SPINK5: variants seen among roughly 807,000 people sequenced by gnomAD.
SPINK5 encodes the protein serine protease inhibitor Kazal-type 5.
A neutral mutation model predicts 151.8 loss-of-function variants in SPINK5; 125 were observed. The observed-to-expected ratio is 0.82, with a 90% CI of 0.71 to 0.96. The LOEUF (loss-of-function observed/expected upper bound fraction) is 0.96, where lower values mean the gene tolerates loss of function less well. SPINK5 is among the 40% of genes least tolerant of loss of function. The probability of loss-of-function intolerance (pLI) is 0.00; values close to 1 mark genes in which losing one functional copy is unlikely to be tolerated. For synonymous variants in SPINK5, 374 were observed against 395.3 expected (o/e 0.95, Z 0.64); for missense variants, 1,194 against 1,291.9 (o/e 0.92, Z 1.16).
rs535024341 is a variant in SPINK5 at position 148,130,878 on chromosome 5, G to C, written c.2965-381G>C. Among the ~76,000 whole-genome samples the C allele has an allele frequency of 2.6e-5, 4 of 152,208 alleles. No individual in the cohort carries two copies. In the East Asian group the frequency reaches 7.7e-4, roughly 29 times the overall value. ...ATGCAATTTATGAGTATTTACCTCTGAGTCTTTCCTTTCTAGGCTGTATAT... is the reference window on the plus strand; with the variant it reads ...ATGCAATTTATGAGTATTTACCTCTCAGTCTTTCCTTTCTAGGCTGTATAT... On this transcript the variant is annotated intron_variant, in intron 30 of 32. Coordinates refer to ENST00000256084, the MANE Select transcript of SPINK5 (RefSeq NM_006846.4).
intron 11 of SPINK5, 95 bp downstream of exon 11, chr5:148,098,089 A>C: frequency 2.5e-6 from 3 of 1,180,322 alleles, no homozygotes; most frequent in Non-Finnish European, 3.7e-6. Flanking sequence ...ACTGTGGCTC[A>C]AGACAGGGAA....
chr5:148,090,377 T>C (rs1753277335), intron 7 of SPINK5, among the ~76,000 whole-genome samples: 1 of 151,758 alleles, frequency 6.6e-6, no homozygotes, highest in Admixed American at 6.6e-5. Context: ...TCCAATCAGG[T>C]TTACAAAACA....
chr5:148,132,591 C>T (rs1754600861), intron 31 of SPINK5, among the ~76,000 whole-genome samples: 1 of 151,940 alleles, frequency 6.6e-6, no homozygotes. Context: ...TCAGAGAGTC[C>T]AGGTAATTTG....
intron 26 of SPINK5, among the ~76,000 whole-genome samples, chr5:148,121,591 T>C (rs1754265746): frequency 6.6e-6 from 1 of 151,824 alleles, no homozygotes; most frequent in Non-Finnish European, 1.5e-5. Context: ...TTATGATCCT[T>C]ATTTAAAAAA....
intron 22 of SPINK5, among the ~76,000 whole-genome samples, chr5:148,117,243 A>G (rs529525870): frequency 1.3e-5 from 2 of 152,218 alleles, no homozygotes; most frequent in Non-Finnish European, 2.9e-5. Context: ...TTGCTTTAGG[A>G]GGCTGAGTTC....
intron 30 of SPINK5, among the ~76,000 whole-genome samples, chr5:148,128,474 C>CAAAT (rs1218463954): frequency 6.6e-6 from 1 of 152,116 alleles, no homozygotes; most frequent in African/African-American, 2.4e-5. Context: ...TGTCAGTCTA[C>CAAAT]AAATACTTAC....
rs1753612917 is a variant in SPINK5 at position 148,100,570 on chromosome 5, T to C, written c.1209T>C (p.Cys403=). The C allele has an allele frequency of 6.2e-7, 1 of 1,612,982 alleles. No individual in the cohort carries two copies. The highest frequency in any genetic ancestry group is 1.7e-5 in the Admixed American group (1 of 59,936). The change falls in exon 13 of 33, where the codon TGT becomes TGC. Residue 403 remains cysteine (C), a synonymous_variant. Coordinates refer to ENST00000256084, the MANE Select transcript of SPINK5 (RefSeq NM_006846.4). ...GKVHGNTCSM[C]EVFFQAEEEE... is the part of the protein sequence containing the mutation. ...TGCATGGCAACACCTGCTCCATGTGTGAGGTCTTCTTGTGAGTAGCCCTGC... is the reference window on the plus strand; with the variant it reads ...TGCATGGCAACACCTGCTCCATGTGCGAGGTCTTCTTGTGAGTAGCCCTGC...
In SPINK5 at chr5:148,114,402, A is replaced by C; in HGVS notation, c.1928A>C (p.Lys643Thr). ...TTTCGGAGACTTTTGCAAAATGGAA[A>C]ACTTTTCTGCACAAGAGAAAATGAT... ...DEFRRLLQNG[K>T]LFCTRENDPV... The change falls in exon 21 of 33, where the codon AAA becomes ACA. Residue 643 changes from lysine to threonine, a missense_variant. Lys to Thr is a moderately conservative substitution (Grantham distance 78, BLOSUM62 -1). Coordinates refer to ENST00000256084, the MANE Select transcript of SPINK5 (RefSeq NM_006846.4). The C allele has an allele frequency of 6.2e-7, 1 of 1,613,662 alleles. No homozygotes were observed. Among genetic ancestry groups the C allele is most frequent in the Non-Finnish European group, 8.5e-7 (1 of 1,179,696 alleles).
At chr5:148,129,017 AT>A (rs1310952253) in intron 30 of SPINK5, among the ~76,000 whole-genome samples, 4 of 152,146 alleles carry the variant, frequency 2.6e-5, no homozygotes, top group Non-Finnish European at 5.9e-5. Flanking sequence ...AGGGGATACA[AT>A]TTTAAGTGAC....
chr5:148,123,524 T>C (rs1280908043), intron 26 of SPINK5, among the ~76,000 whole-genome samples: 5 of 24,070 alleles, frequency 2.1e-4, no homozygotes, highest in African/African-American at 4.0e-4. Flanking sequence ...TATATGTGTA[T>C]ATATATATAT....
chr5:148,108,694 T>C lies in SPINK5; in HGVS notation c.1608-59T>C, dbSNP rs185806968. The C allele has an allele frequency of 1.9e-6, 3 of 1,588,586 alleles. No individual in the cohort carries two copies. The African/African-American group carries it at 4.0e-5, about 21-fold the overall frequency. Reference sequence around the variant, plus strand: ...GGAAGATCCTCATTCCTTTTAAAAATGTACTACCAAAAAGAGTAGGGAATC... The same window carrying C: ...GGAAGATCCTCATTCCTTTTAAAAACGTACTACCAAAAAGAGTAGGGAATC... On this transcript the variant is annotated intron_variant, in intron 17 of 32. Transcript: ENST00000256084.
At chr5:148,081,871 C>A (rs1753030677) in intron 4 of SPINK5, among the ~76,000 whole-genome samples, 2 of 151,698 alleles carry the variant, frequency 1.3e-5, no homozygotes, top group East Asian at 2.0e-4. Context: ...ATTTCCTAGA[C>A]CTTCAGAAAA....
intron 10 of SPINK5, 86 bp downstream of exon 10, chr5:148,095,991 C>A: frequency 9.8e-7 from 1 of 1,017,622 alleles, no homozygotes; most frequent in Non-Finnish European, 1.5e-6. Context: ...ACATAGTATG[C>A]ACTTTCAATA....
At chr5:148,119,174 C>T in intron 24 of SPINK5, 116 bp downstream of exon 24, 1 of 960,258 alleles carries the variant, frequency 1.0e-6, no homozygotes, top group African/African-American at 1.6e-5. Flanking sequence ...CTTAGAAGGT[C>T]AGGAGTTACC....
At chr5:148,082,218 G>A (rs183372746) in intron 4 of SPINK5, among the ~76,000 whole-genome samples, 1 of 151,118 alleles carries the variant, frequency 6.6e-6, no homozygotes, top group East Asian at 2.0e-4. Flanking sequence ...GTTTTCTATG[G>A]TGTTAATTCC....
intron 31 of SPINK5, among the ~76,000 whole-genome samples, 197 bp downstream of exon 31, chr5:148,131,586 AATT>A (rs1754574872): frequency 6.6e-6 from 1 of 152,180 alleles, no homozygotes. Context: ...TCCTTTGGTA[AATT>A]GCTTACCTAC....
intron 22 of SPINK5, among the ~76,000 whole-genome samples, chr5:148,116,711 CTT>C (rs1754103013): frequency 6.6e-6 from 1 of 152,212 alleles, no homozygotes; most frequent in African/African-American, 2.4e-5. Flanking sequence ...CCTGAGCCCT[CTT>C]TATGGTAATC....
intron 31 of SPINK5, among the ~76,000 whole-genome samples, chr5:148,133,517 A>T (rs1322172559): frequency 6.6e-6 from 1 of 152,168 alleles, no homozygotes; most frequent in Non-Finnish European, 1.5e-5. Context: ...TCACCTTTAG[A>T]CCAGATGATC....
At chr5:148,104,722 C>T (rs1753734073) in intron 15 of SPINK5, among the ~76,000 whole-genome samples, 2 of 151,952 alleles carry the variant, frequency 1.3e-5, no homozygotes, top group Non-Finnish European at 2.9e-5. Context: ...GGTGAAACCC[C>T]GTCTCTACTA....
Sources: allele counts gnomAD v4.1 joint callset (sites outside exome capture counted in the v4.1 genomes callset), GRCh38; gene constraint gnomAD v4.1.1; transcripts MANE v1.5; gene names NCBI Gene and HGNC (gene_info 2026-07-23, HGNC 2026-07-21).